The following WDFY3 variants were observed in gnomAD, a reference collection of about 807,000 sequenced individuals.
WDFY3 encodes WD repeat and FYVE domain containing 3.
WDFY3 carries 66 observed loss-of-function variants against 409.6 expected under a neutral mutation model. The ratio of observed to expected loss-of-function variants is 0.16; its 90% CI spans 0.13 to 0.20. The LOEUF is 0.20. Ranked by LOEUF, WDFY3 falls within the 10% of genes least tolerant of loss-of-function variation. The pLI, the probability that WDFY3 is intolerant of heterozygous loss-of-function variation, is 1.00. For synonymous variants in WDFY3, 1,521 were observed against 1,537.1 expected (o/e 0.99, Z 0.25); for missense variants, 3,031 against 4,298.1 (o/e 0.71, Z 8.24).
At chr4:84,908,591 C>T (rs1462588793) in intron 2 of WDFY3, among the ~76,000 whole-genome samples, 9 of 152,150 alleles carry the variant, frequency 5.9e-5, no homozygotes, top group Non-Finnish European at 1.0e-4. Context: ...TTCTAATGTA[C>T]CTCATCAGAA....
At chr4:84,895,954 G>A (rs1765569148) in intron 3 of WDFY3, among the ~76,000 whole-genome samples, 1 of 152,034 alleles carries the variant, frequency 6.6e-6, no homozygotes, top group South Asian at 2.1e-4. Context: ...ATTGGAACAT[G>A]GCGAAATAAA....
intron 32 of WDFY3, among the ~76,000 whole-genome samples, chr4:84,762,831 T>C (rs1402296905): frequency 6.6e-6 from 1 of 152,084 alleles, no homozygotes; most frequent in Non-Finnish European, 1.5e-5. Context: ...TTAAACAATG[T>C]TTTGAGCTCT....
intron 3 of WDFY3, among the ~76,000 whole-genome samples, chr4:84,861,326 TAA>T (rs1760598554): frequency 6.6e-6 from 1 of 152,150 alleles, no homozygotes; most frequent in African/African-American, 2.4e-5. Flanking sequence ...TCAAAACATC[TAA>T]GACAGTCAAA....
intron 36 of WDFY3, among the ~76,000 whole-genome samples, chr4:84,748,428 T>C (rs1739899951): frequency 6.6e-6 from 1 of 152,170 alleles, no homozygotes; most frequent in Non-Finnish European, 1.5e-5. Context: ...AGAATACTTT[T>C]TGTTGGGTGA....
At chr4:84,817,196 C>T (rs946392815) in intron 13 of WDFY3, among the ~76,000 whole-genome samples, 196 bp downstream of exon 13, 1 of 152,090 alleles carries the variant, frequency 6.6e-6, no homozygotes, top group Admixed American at 6.5e-5. Flanking sequence ...AAAGGTTTAT[C>T]AGCAGAAGTA....
chr4:84,943,487 G>C lies in WDFY3; in HGVS notation c.-225-11124C>G, dbSNP rs146372363. Among the ~76,000 whole-genome samples the C allele has an allele frequency of 7.6e-3, 1,157 of 151,942 alleles. 13 individuals carry two copies. Among genetic ancestry groups the C allele is most frequent in the African/African-American group, 0.026 (1,086 of 41,424 alleles). On this transcript the variant is annotated intron_variant, in intron 1 of 67. Coordinates refer to ENST00000295888, the MANE Select transcript of WDFY3 (RefSeq NM_014991.6). ...CCACTGCACTCCAGCCTGGGCGACA[G>C]AGCAAGACTCCGTCTCAGAAAAAAA...
At chr4:84,947,225 G>T (rs560752224) in intron 1 of WDFY3, among the ~76,000 whole-genome samples, 1 of 151,748 alleles carries the variant, frequency 6.6e-6, no homozygotes, top group Admixed American at 6.6e-5. Flanking sequence ...AAAAATTCCT[G>T]CTAGGGGCCG....
intron 7 of WDFY3, among the ~76,000 whole-genome samples, chr4:84,833,682 A>T (rs1335025321): frequency 6.6e-6 from 1 of 151,626 alleles, no homozygotes; most frequent in Non-Finnish European, 1.5e-5. Flanking sequence ...AAAAGAAAAG[A>T]AAAGAAAAGA....
chr4:84,728,647 A>G (rs1208780932), intron 44 of WDFY3, among the ~76,000 whole-genome samples: 1 of 152,166 alleles, frequency 6.6e-6, no homozygotes, highest in African/African-American at 2.4e-5. Context: ...ATATACTCCC[A>G]GCCAGGATGT....
intron 6 of WDFY3, among the ~76,000 whole-genome samples, chr4:84,840,142 T>C (rs780976159): frequency 2.2e-4 from 33 of 152,172 alleles, no homozygotes; most frequent in Non-Finnish European, 4.1e-4. Context: ...CTTTGGTAGG[T>C]AATTATACTC....
rs757307070 is a variant in WDFY3, at chr4:84,837,134, A to G, written c.415-44T>C. Reference sequence around the variant, plus strand: ...AATAAGTGAATAGATAGACACAACTATAATTGGTACAGCCAAATAATTCAC... The same window carrying G: ...AATAAGTGAATAGATAGACACAACTGTAATTGGTACAGCCAAATAATTCAC... On this transcript the variant is annotated intron_variant, in intron 6 of 67. Coordinates refer to ENST00000295888, the MANE Select transcript of WDFY3 (RefSeq NM_014991.6). The G allele has an allele frequency of 5.7e-6, 8 of 1,398,486 alleles. No individual in the cohort carries two copies. In the South Asian group the frequency reaches 1.6e-4, roughly 27 times the overall value. The allele number at this position is 1,398,486 out of a possible 1,614,324, so 86.6% of individuals were successfully genotyped here.
At position 84,682,244 on chromosome 4, in the gene WDFY3, C is replaced by T. The variant is rs1727490373; in HGVS notation, c.9823+130G>A. 6.1e-5 allele frequency: 45 copies of T among 732,716 alleles called. 1 individual carries two copies. In the South Asian group the frequency reaches 8.5e-4, roughly 14 times the overall value. The allele number at this position is 732,716 out of a possible 1,614,324, so 45.4% of individuals were successfully genotyped here. Reference sequence around the variant, plus strand: ...CTGCTCAAAGGAATCACACAACAGGCAGCAACCATGCTTCTCCAAGCAGTG... The same window carrying T: ...CTGCTCAAAGGAATCACACAACAGGTAGCAACCATGCTTCTCCAAGCAGTG... On this transcript the variant is annotated intron_variant, in intron 64 of 67. Transcript: ENST00000295888.
chr4:84,946,102 A>T (rs1373951340), intron 1 of WDFY3, among the ~76,000 whole-genome samples: 2 of 152,182 alleles, frequency 1.3e-5, no homozygotes, highest in Non-Finnish European at 2.9e-5. Context: ...TCACAATTCT[A>T]TACAGTTGGA....
chr4:84,709,890 C>A (rs1278722882), intron 51 of WDFY3, among the ~76,000 whole-genome samples: 1 of 152,164 alleles, frequency 6.6e-6, no homozygotes, highest in Non-Finnish European at 1.5e-5. Flanking sequence ...CCACGCCCAG[C>A]TAATTTTTGT....
At chr4:84,916,098 A>G (rs1768446756) in intron 2 of WDFY3, among the ~76,000 whole-genome samples, 1 of 152,226 alleles carries the variant, frequency 6.6e-6, no homozygotes, top group Non-Finnish European at 1.5e-5. Context: ...CAAGACAACT[A>G]TCTTTTTTGT....
At chr4:84,776,015 A>C (rs1350005125) in intron 27 of WDFY3, among the ~76,000 whole-genome samples, 3 of 152,068 alleles carry the variant, frequency 2.0e-5, no homozygotes, top group Non-Finnish European at 4.4e-5. Flanking sequence ...TACACAAAGG[A>C]ATAAAGAATG....
At chr4:84,856,125 C>A (rs919572456) in intron 4 of WDFY3, among the ~76,000 whole-genome samples, 18 of 152,290 alleles carry the variant, frequency 1.2e-4, no homozygotes, top group Middle Eastern at 3.4e-3. Flanking sequence ...ACCTGTCTGC[C>A]TTCTGATCTC....
chr4:84,716,877 T>C lies in WDFY3; in HGVS notation c.7875+19A>G. On this transcript the variant is annotated intron_variant, in intron 49 of 67. Coordinates refer to ENST00000295888, the MANE Select transcript of WDFY3 (RefSeq NM_014991.6). ...AGAATAAAGAAACATGATAAAACAG[T>C]ACTACTAAATTGACTCACCTGCAGG... is the stretch of plus-strand genomic sequence containing the variant. 1 of 1,546,646 alleles carries C rather than the reference T, an allele frequency of 6.5e-7. No homozygotes were observed. The highest frequency in any genetic ancestry group is 8.7e-7 in the Non-Finnish European group (1 of 1,147,984).
At chr4:84,891,794 G>T (rs1764991109) in intron 3 of WDFY3, among the ~76,000 whole-genome samples, 1 of 152,060 alleles carries the variant, frequency 6.6e-6, no homozygotes, top group Non-Finnish European at 1.5e-5. Flanking sequence ...TGTTTTTAGG[G>T]AAGCATAACT....
Sources: gnomAD v4.1 joint callset for allele counts (sites outside exome capture counted in the v4.1 genomes callset) on GRCh38, gnomAD v4.1.1 for gene constraint, MANE v1.5 for transcripts, NCBI Gene and HGNC (gene_info 2026-07-23, HGNC 2026-07-21) for gene names.